DDHD1: variants seen among roughly 807,000 people sequenced by gnomAD.
DDHD1 encodes the protein phospholipase DDHD1.
In DDHD1, 49 loss-of-function variants were observed where a neutral mutation model predicts 96.4. The ratio of observed to expected loss-of-function variants is 0.51; its 90% CI spans 0.40 to 0.64. DDHD1 has a LOEUF of 0.64. DDHD1 is among the 30% of genes least tolerant of loss of function. The pLI, the probability that DDHD1 is intolerant of heterozygous loss-of-function variation, is 0.00. For synonymous variants in DDHD1, 442 were observed against 446.5 expected (o/e 0.99, Z 0.13); for missense variants, 1,106 against 1,161.2 (o/e 0.95, Z 0.69).
chr14:53,053,129 A>ACTG, intron 11 of DDHD1: 1 of 152,038 alleles, frequency 6.6e-6, no homozygotes, highest in Admixed American at 6.6e-5. Context: ...GTTGCACATT[A>ACTG]ATGACATTAC....
chr14:53,045,296 A>ACTG lies in DDHD1; in HGVS notation c.*1469_*1471dup, dbSNP rs1344313527. 1 of 152,344 alleles carries ACTG rather than the reference A, an allele frequency of 6.6e-6. No homozygotes were observed. The highest frequency in any genetic ancestry group is 1.5e-5 in the Non-Finnish European group (1 of 68,214). The allele number at this position is 152,344 out of a possible 1,614,324, so 9.4% of individuals were successfully genotyped here. A position where few individuals can be genotyped will look rare whatever the true frequency, so the allele number is the denominator to read the frequency against. ...GAGTGCATTGGTGTGATCAGAGCTC[A>ACTG]CTGCAGCTTTGAACTTCTGGGCTCG... On this transcript the variant is annotated 3_prime_UTR_variant, in exon 13 of 13. Transcript: ENST00000673822.
At chr14:53,095,481 T>A (rs985533687) in intron 2 of DDHD1, among the ~76,000 whole-genome samples, 1 of 152,170 alleles carries the variant, frequency 6.6e-6, no homozygotes, top group Non-Finnish European at 1.5e-5. Context: ...TTATGAGGAA[T>A]TGTACTTCTT....
chr14:53,049,801 CTG>C (rs1239036719), intron 12 of DDHD1, among the ~76,000 whole-genome samples: 6 of 151,966 alleles, frequency 3.9e-5, no homozygotes, highest in South Asian at 2.1e-4. Context: ...AGAAAAGAAA[CTG>C]TGTTTTTAAA....
chr14:53,073,890 G>C, intron 4 of DDHD1, 43 bp from the exon 5 acceptor site: 1 of 1,510,814 alleles, frequency 6.6e-7, no homozygotes, highest in Non-Finnish European at 9.1e-7. Context: ...AGCTTTATGA[G>C]AATAACTTCA....
In DDHD1 at chr14:53,093,124, A is replaced by G. The variant is rs146410591; in HGVS notation, c.1141+192T>C. On this transcript the variant is annotated intron_variant, in intron 3 of 12. Transcript: ENST00000673822. The stretch of plus-strand genomic sequence containing the variant: ...AATTTTGTCAAATCATTCTAAATAT[A>G]TAATAATTATTCCTTGATGAACACA... 8.0e-3 allele frequency: 3,182 copies of G among 395,318 alleles called. 22 individuals carry two copies. Among genetic ancestry groups the G allele is most frequent in the Non-Finnish European group, 0.012 (2,780 of 239,430 alleles). 24.5% of individuals were successfully genotyped at this position (395,318 alleles called of 1,614,324 possible).
intron 1 of DDHD1, among the ~76,000 whole-genome samples, chr14:53,119,510 T>C (rs1179615384): frequency 6.6e-6 from 1 of 152,084 alleles, no homozygotes; most frequent in Non-Finnish European, 1.5e-5. Context: ...AAGAAGAAAA[T>C]TTTAGGCTAA....
Position 53,091,826 on chromosome 14 carries a change from C to T in DDHD1, c.1248G>A (p.Gly416=). The T allele has an allele frequency of 3.1e-6, 5 of 1,613,476 alleles. No homozygotes were observed. Among genetic ancestry groups the T allele is most frequent in the Non-Finnish European group, 4.2e-6 (5 of 1,179,720 alleles). The change falls in exon 4 of 13, where the codon GGG becomes GGA. Residue 416 remains glycine, a synonymous_variant. Coordinates refer to ENST00000673822, the MANE Select transcript of DDHD1 (RefSeq NM_001160148.2). ...TAATTCTTCCTTGGTCCATTTTCTGCCCAATGCCATGCACAACAAATACAA... is the reference window on the plus strand; with the variant it reads ...TAATTCTTCCTTGGTCCATTTTCTGTCCAATGCCATGCACAACAAATACAA... The part of the protein sequence containing the change: ...THIVFVVHGI[G]QKMDQGRIIK...
At position 53,152,874 on chromosome 14, in the gene DDHD1, G is replaced by A; in HGVS notation, c.225C>T (p.Asn75=). Reference sequence around the variant, plus strand: ...GGCAGGGGTCCAGCGCGAGGTGGTGGTTGTGGTCGTCGGTGCCCGGCGCCA... The same window carrying A: ...GGCAGGGGTCCAGCGCGAGGTGGTGATTGTGGTCGTCGGTGCCCGGCGCCA... ...LHLAPGTDDH[N]HHLALDPCLS... is the part of the protein sequence containing the mutation. Residue 75 remains asparagine, a synonymous_variant, in exon 1 of 13, where the codon AAC becomes AAT. Coordinates refer to ENST00000673822, the MANE Select transcript of DDHD1 (RefSeq NM_001160148.2). The A allele has an allele frequency of 6.2e-7, 1 of 1,610,876 alleles. No individual in the cohort carries two copies. The highest frequency in any genetic ancestry group is 8.5e-7 in the Non-Finnish European group (1 of 1,178,790).
chr14:53,073,879 A>G (rs1884736739), intron 4 of DDHD1, 32 bp from the exon 5 acceptor site: 1 of 1,561,090 alleles, frequency 6.4e-7, no homozygotes, highest in Non-Finnish European at 8.8e-7. Flanking sequence ...AATGCAAACA[A>G]AGCTTTATGA....
At chr14:53,138,296 T>C (rs1241673323) in intron 1 of DDHD1, among the ~76,000 whole-genome samples, 1 of 151,984 alleles carries the variant, frequency 6.6e-6, no homozygotes, top group African/African-American at 2.4e-5. Context: ...TCCCAGCTAC[T>C]TGGGAGGCTG....
chr14:53,145,466 T>G (rs1225916043), intron 1 of DDHD1, among the ~76,000 whole-genome samples: 1 of 145,986 alleles, frequency 6.8e-6, no homozygotes, highest in East Asian at 2.0e-4. Flanking sequence ...TCACTCCACA[T>G]TATTCTGGCC....
intron 3 of DDHD1, chr14:53,092,817 C>G (rs1447590237): frequency 6.5e-6 from 1 of 153,078 alleles, no homozygotes; most frequent in Non-Finnish European, 1.5e-5. Context: ...CCACTGTACT[C>G]CAGCCTGGGA....
rs370669233 is a variant in DDHD1, at chr14:53,046,056, AT to A, written c.*711del. On this transcript the variant is annotated 3_prime_UTR_variant, in exon 13 of 13. Coordinates refer to ENST00000673822, the MANE Select transcript of DDHD1 (RefSeq NM_001160148.2). ...AGCCATAAGTTTTTAATGAAAAAAAATGTATGCCACAGTGTCTATATATTCA... is the reference window on the plus strand; with the variant it reads ...AGCCATAAGTTTTTAATGAAAAAAAAGTATGCCACAGTGTCTATATATTCA... 1 of 152,212 alleles carries A rather than the reference AT, an allele frequency of 6.6e-6. No homozygotes were observed. The highest frequency in any genetic ancestry group is 2.4e-5 in the African/African-American group (1 of 41,464). 9.4% of individuals were successfully genotyped at this position (152,212 alleles called of 1,614,324 possible).
At chr14:53,095,701 A>C (rs954251123) in intron 2 of DDHD1, among the ~76,000 whole-genome samples, 7 of 152,178 alleles carry the variant, frequency 4.6e-5, no homozygotes, top group African/African-American at 1.7e-4. Flanking sequence ...AATCTTTTGC[A>C]AGGGTTTAAC....
chr14:53,108,238 C>T (rs1011596282), intron 1 of DDHD1, among the ~76,000 whole-genome samples: 4 of 152,206 alleles, frequency 2.6e-5, no homozygotes, highest in African/African-American at 7.2e-5. Flanking sequence ...CTGCTCTTCC[C>T]GACTGGGCTA....
Position 53,054,462 on chromosome 14 carries a change from T to C in DDHD1, c.2413A>G (p.Ser805Gly). ...TVGTQTLPHS[S>G]SGFLDSAYFR... Reference sequence around the variant, plus strand: ...CATGCAGAATCGAGGAAGCCAGAACTGCTATGTGGAAGGGTCTGTGTCCCT... The same window carrying C: ...CATGCAGAATCGAGGAAGCCAGAACCGCTATGTGGAAGGGTCTGTGTCCCT... Residue 805 changes from serine to glycine, a missense_variant, in exon 11 of 13, where the codon AGT becomes GGT. Ser to Gly is a moderately conservative substitution (Grantham distance 56). This residue lies in a region of DDHD1 where 650 missense variants were observed against 758.8 expected (regional missense o/e 0.86). Transcript: ENST00000673822. 6.2e-7 allele frequency: 1 copy of C among 1,614,006 alleles called. No individual in the cohort carries two copies. The highest frequency in any genetic ancestry group is 1.7e-5 in the Admixed American group (1 of 60,000).
rs761282968 is a variant in DDHD1 at position 53,051,890 on chromosome 14, T to A, written c.2475A>T (p.Gln825His). ...RLQESFFNLP[Q>H]LLFPENVMQN... ...GCATTACATTTTCCGGAAAAAGAAG[T>A]TGTGGGAGATTAAAGAACGATTCTT... The change falls in exon 12 of 13, where the codon CAA (glutamine) becomes CAT (histidine). Residue 825 changes from glutamine to histidine, a missense_variant. By Grantham distance (24) the Gln-to-His change is conservative. Around this residue, in one of 2 missense-constraint regions of DDHD1, gnomAD observed 650 missense variants for 758.8 expected, o/e 0.86. Transcript: ENST00000673822. The A allele has an allele frequency of 1.9e-6, 3 of 1,598,194 alleles. No homozygotes were observed. The African/African-American group carries it at 4.0e-5, about 21-fold the overall frequency.
intron 1 of DDHD1, among the ~76,000 whole-genome samples, chr14:53,137,784 C>T (rs1273599925): frequency 4.6e-5 from 7 of 151,818 alleles, no homozygotes; most frequent in Admixed American, 3.3e-4. Flanking sequence ...GTGATAAACC[C>T]GCAGTTCCCA....
At chr14:53,079,929 C>T (rs909194017) in intron 4 of DDHD1, among the ~76,000 whole-genome samples, 1 of 152,130 alleles carries the variant, frequency 6.6e-6, no homozygotes, top group Non-Finnish European at 1.5e-5. Context: ...AATACATATG[C>T]AATTTTGATA....
Sources: gnomAD v4.1 joint callset for allele counts (sites outside exome capture counted in the v4.1 genomes callset) on GRCh38, gnomAD v4.1.1 for gene constraint, gnomAD v4.1.1 regional missense constraint, MANE v1.5 for transcripts, NCBI Gene and HGNC (gene_info 2026-07-23, HGNC 2026-07-21) for gene names.